Variants in RNF157 observed in about 807,000 individuals in gnomAD.
RNF157 encodes the protein ring finger protein 157.
In RNF157, 55 loss-of-function variants were observed where a neutral mutation model predicts 88.3. That is an observed-to-expected ratio of 0.62 (90% confidence interval 0.50 to 0.78). The LOEUF is 0.78. Among genes scored for constraint, RNF157 ranks in the 30% least tolerant of loss-of-function variants. The pLI, the probability that RNF157 is intolerant of heterozygous loss-of-function variation, is 0.00. For missense variants in RNF157, 788 were observed against 860.8 expected (o/e 0.92, Z 1.06); for synonymous variants, 334 against 341.2 (o/e 0.98, Z 0.23).
chr17:76,159,596 G>GA (rs1398939392), intron 11 of RNF157, 23 bp from the exon 12 acceptor site: 7 of 1,537,196 alleles, frequency 4.6e-6, no homozygotes, highest in Admixed American at 3.6e-5. Context: ...GAGACAGGTT[G>GA]AAAAATTAAT....
chr17:76,187,333 G>A (rs2069309430), intron 2 of RNF157, among the ~76,000 whole-genome samples: 1 of 151,804 alleles, frequency 6.6e-6, no homozygotes, highest in Non-Finnish European at 1.5e-5. Context: ...ACAGGTGCAT[G>A]ACACCATGCC....
At chr17:76,225,971 T>C (rs2070076586) in intron 1 of RNF157, 4 of 1,611,092 alleles carry the variant, frequency 2.5e-6, no homozygotes, top group Non-Finnish European at 8.5e-7. Flanking sequence ...CAGCTTCTTA[T>C]CCAGTTTCTC....
In RNF157 at chr17:76,154,320, A is replaced by G. The variant is rs765902899; in HGVS notation, c.1773T>C (p.Asp591=). The change falls in exon 17 of 19, where the codon GAT becomes GAC. Residue 591 remains aspartate, a synonymous_variant. Coordinates refer to ENST00000269391, the MANE Select transcript of RNF157 (RefSeq NM_052916.3). The stretch of plus-strand genomic sequence containing the variant: ...GTGATCCATCCTCTTCCTCTATAAC[A>G]TCATTTCCCTAGGACAGAAGGAAGG... The part of the protein sequence containing the change: ...PAGEQDAEGN[D]VIEEEDGSPT... The G allele has an allele frequency of 6.2e-6, 10 of 1,611,468 alleles. No homozygotes were observed. In the Admixed American group the frequency reaches 1.5e-4, roughly 24 times the overall value.
rs916928185 is a variant in RNF157 at position 76,195,975 on chromosome 17, G to A, written c.207+16389C>T. Among the ~76,000 whole-genome samples the A allele has an allele frequency of 3.3e-5, 5 of 152,224 alleles. No individual in the cohort carries two copies. Among genetic ancestry groups the A allele is most frequent in the East Asian group, 1.9e-4 (1 of 5,192 alleles). ...TTTCATGGCAATGACCCAATGACCCGGAAGGTACTATCCTTCTTGAAATTT... is the reference window on the plus strand; with the variant it reads ...TTTCATGGCAATGACCCAATGACCCAGAAGGTACTATCCTTCTTGAAATTT... On this transcript the variant is annotated intron_variant, in intron 2 of 18. Transcript: ENST00000269391. The surrounding 1 kb of genome is among the most constrained non-coding windows in gnomAD (Gnocchi z 4.4).
intron 2 of RNF157, among the ~76,000 whole-genome samples, chr17:76,194,430 G>T (rs1297793424): frequency 6.6e-6 from 1 of 152,182 alleles, no homozygotes; most frequent in African/African-American, 2.4e-5. Flanking sequence ...TCTGATGGTG[G>T]GAAGGGCGGT....
intron 16 of RNF157, chr17:76,154,599 C>T: frequency 5.2e-6 from 2 of 385,672 alleles, no homozygotes; most frequent in Non-Finnish European, 9.3e-6. Flanking sequence ...AATAGTTTAG[C>T]TGATACTGTT....
At chr17:76,159,647 T>C (rs1214265574) in intron 11 of RNF157, 74 bp from the exon 12 acceptor site, 4 of 1,068,948 alleles carry the variant, frequency 3.7e-6, no homozygotes, top group South Asian at 1.4e-5. Context: ...GCTACTTCTC[T>C]ACACTGAAAA....
rs138516306 is a variant in RNF157, at chr17:76,170,969, T to C, written c.296+2733A>G. Among the ~76,000 whole-genome samples, 428 of 152,296 alleles carry C rather than the reference T, an allele frequency of 2.8e-3. 6 individuals carry two copies. The highest frequency in any genetic ancestry group is 9.8e-3 in the African/African-American group (407 of 41,546). ...GTGCAGTGGCACAATCTCGCCTCAC[T>C]GCAACCTCTGTCTCCCGGGTTCACA... is the stretch of plus-strand genomic sequence containing the variant. On this transcript the variant is annotated intron_variant, in intron 3 of 18. Coordinates refer to ENST00000269391, the MANE Select transcript of RNF157 (RefSeq NM_052916.3).
intron 2 of RNF157, among the ~76,000 whole-genome samples, chr17:76,180,133 C>G (rs964793289): frequency 6.6e-6 from 1 of 152,198 alleles, no homozygotes; most frequent in Non-Finnish European, 1.5e-5. Context: ...TTACCTCAAG[C>G]TCAGTATGGA....
chr17:76,195,817 A>G lies in RNF157; in HGVS notation c.207+16547T>C, dbSNP rs531969242. 6.6e-6 allele frequency among the ~76,000 whole-genome samples: 1 copy of G among 152,334 alleles called. No individual in the cohort carries two copies. The highest frequency in any genetic ancestry group is 2.1e-4 in the South Asian group (1 of 4,826). On this transcript the variant is annotated intron_variant, in intron 2 of 18. Coordinates refer to ENST00000269391, the MANE Select transcript of RNF157 (RefSeq NM_052916.3). The surrounding 1 kb of genome is among the most constrained non-coding windows in gnomAD (Gnocchi z 4.4). ...AGAGGTGGGGCTCGCACATCAGACT[A>G]AATTGAGCACAAGCTAAAACAGGGA... is the stretch of plus-strand genomic sequence containing the variant.
At chr17:76,152,576 TA>T (rs1234736703) in intron 17 of RNF157, 111 bp from the exon 18 acceptor site, 41 of 702,666 alleles carry the variant, frequency 5.8e-5, no homozygotes, top group Middle Eastern at 2.5e-4. Context: ...AATCATATGT[TA>T]AAAAAAAGAC....
intron 1 of RNF157, among the ~76,000 whole-genome samples, chr17:76,238,853 C>G (rs1260778906): frequency 6.6e-6 from 1 of 152,252 alleles, no homozygotes; most frequent in Non-Finnish European, 1.5e-5. Flanking sequence ...TAACGACCCA[C>G]AGCTTTATCT....
intron 2 of RNF157, among the ~76,000 whole-genome samples, chr17:76,194,898 C>T (rs2069451936): frequency 6.6e-6 from 1 of 152,018 alleles, no homozygotes; most frequent in Non-Finnish European, 1.5e-5. Flanking sequence ...GCCTGTAGTC[C>T]CAGCTACTCA....
chr17:76,239,527 T>TCCA (rs1036322305), intron 1 of RNF157, among the ~76,000 whole-genome samples: 1 of 151,042 alleles, frequency 6.6e-6, no homozygotes, highest in Non-Finnish European at 1.5e-5. Flanking sequence ...TCTGTTACTT[T>TCCA]CCACCACCAC....
Position 76,185,513 on chromosome 17 carries a change from A to ATTTTT in RNF157, c.208-11724_208-11723insAAAAA, listed in dbSNP as rs1568047389. On this transcript the variant is annotated intron_variant, in intron 2 of 18. Coordinates refer to ENST00000269391, the MANE Select transcript of RNF157 (RefSeq NM_052916.3). Reference sequence around the variant, plus strand: ...GAGACGGAGTCTCGCTCTGTCGCCCAGGCTGGAGTGCAGTGGCGCGATCTC... The same window carrying ATTTTT: ...GAGACGGAGTCTCGCTCTGTCGCCCATTTTTGGCTGGAGTGCAGTGGCGCGATCTC... 1.9e-3 allele frequency among the ~76,000 whole-genome samples: 274 copies of ATTTTT among 143,648 alleles called. 1 individual carries two copies. Among genetic ancestry groups the ATTTTT allele is most frequent in the African/African-American group, 6.0e-3 (216 of 36,240 alleles). The allele number at this position is 143,648 out of a possible 152,430, so 94.2% of individuals were successfully genotyped here. A position where few individuals can be genotyped will look rare whatever the true frequency, so the allele number is the denominator to read the frequency against.
intron 2 of RNF157, among the ~76,000 whole-genome samples, chr17:76,179,399 A>G (rs572795952): frequency 1.3e-5 from 2 of 151,136 alleles, no homozygotes; most frequent in South Asian, 2.1e-4. Flanking sequence ...CCCAAAAAGG[A>G]AAAAAAAAGA....
chr17:76,143,210 C>G lies in RNF157; in HGVS notation c.*2025G>C, dbSNP rs1292274721. ...ACATGGGACTGAGGCCTTGAGGAATCTTTCCGTGCTTCTCCCTAGGAGAGG... is the reference window on the plus strand; with the variant it reads ...ACATGGGACTGAGGCCTTGAGGAATGTTTCCGTGCTTCTCCCTAGGAGAGG... On this transcript the variant is annotated 3_prime_UTR_variant, in exon 19 of 19. Coordinates refer to ENST00000269391, the MANE Select transcript of RNF157 (RefSeq NM_052916.3). 2.6e-5 allele frequency: 4 copies of G among 152,234 alleles called. No individual in the cohort carries two copies. 9.4% of individuals were successfully genotyped at this position (152,234 alleles called of 1,614,324 possible).
At chr17:76,177,413 T>G (rs1323385266) in intron 2 of RNF157, among the ~76,000 whole-genome samples, 1 of 148,984 alleles carries the variant, frequency 6.7e-6, no homozygotes, top group African/African-American at 2.5e-5. Flanking sequence ...CAAGCCAAGG[T>G]GCTGTTGCAG....
At position 76,212,455 on chromosome 17, in the gene RNF157, A is replaced by G; in HGVS notation, c.116T>C (p.Met39Thr). ...AGTTGAGTCAAACTTCTCTCCTCCC[A>G]TAATGAAGTGGCTGGCAAAATAGCT... is the stretch of plus-strand genomic sequence containing the variant. ...SGSYFASHFI[M>T]GGEKFDSTHP... The change falls in exon 2 of 19, where the codon ATG becomes ACG. Residue 39 changes from methionine to threonine, a missense_variant. Met to Thr is a moderately conservative substitution (Grantham distance 81). Coordinates refer to ENST00000269391, the MANE Select transcript of RNF157 (RefSeq NM_052916.3). The G allele has an allele frequency of 1.2e-6, 2 of 1,613,694 alleles. No homozygotes were observed. Among genetic ancestry groups the G allele is most frequent in the Non-Finnish European group, 1.7e-6 (2 of 1,179,646 alleles).
Sources: allele counts gnomAD v4.1 joint callset (sites outside exome capture counted in the v4.1 genomes callset), GRCh38; gene constraint gnomAD v4.1.1; non-coding constraint Gnocchi (gnomAD v3.1); transcripts MANE v1.5; gene names NCBI Gene and HGNC (gene_info 2026-07-23, HGNC 2026-07-21).